Variants in PDE4C observed in about 807,000 individuals in gnomAD.
PDE4C encodes phosphodiesterase 4C.
A neutral mutation model predicts 63.9 loss-of-function variants in PDE4C; 50 were observed. That is an observed-to-expected ratio of 0.78 (90% CI 0.62 to 0.99). The LOEUF is 0.99. Among genes scored for constraint, PDE4C ranks in the 50% least tolerant of loss-of-function variants. The pLI is 0.00. For missense variants in PDE4C, 777 were observed against 899.1 expected (o/e 0.86, Z 1.74); for synonymous variants, 377 against 385.1 (o/e 0.98, Z 0.25).
intron 1 of PDE4C, among the ~76,000 whole-genome samples, chr19:18,244,810 C>CT (rs531303939): frequency 0.022 from 3,226 of 146,398 alleles, 116 homozygotes; most frequent in African/African-American, 0.075. Flanking sequence ...CAGTGACCAG[C>CT]TTTTTTTTTT....
the PDE4C span, chr19:18,255,095 C>T: frequency 5.3e-5 from 21 of 394,046 alleles, no homozygotes; most frequent in Non-Finnish European, 9.4e-5. The surrounding 1 kb of genome is among the most constrained non-coding windows in gnomAD (Gnocchi z 4.6). Context: ...CAGCCTTCCT[C>T]GGAGGGTTGG....
chr19:18,233,645 C>G (rs1207240836), exon 1 of PDE4C: 1 of 388,486 alleles, frequency 2.6e-6, no homozygotes, highest in African/African-American at 2.1e-5. Flanking sequence ...TCCCTCGCAC[C>G]GTGTTGAAAG....
chr19:18,252,133 G>A, upstream of PDE4C: 1 of 399,364 alleles, frequency 2.5e-6, no homozygotes, highest in Non-Finnish European at 4.4e-6. Flanking sequence ...TGGGAAGTGG[G>A]GCTCCAGTGC....
At chr19:18,226,339 A>G in exon 1 of PDE4C, 1 of 1,532,794 alleles carries the variant, frequency 6.5e-7, no homozygotes, top group Non-Finnish European at 8.8e-7. Flanking sequence ...CTTCCTGAAG[A>G]GCCCGGGGGA....
At chr19:18,230,306 G>A (rs1302621598), upstream of PDE4C, among the ~76,000 whole-genome samples, 1 of 152,150 alleles carries the variant, frequency 6.6e-6, no homozygotes, top group Non-Finnish European at 1.5e-5. Context: ...AAGAGTTTGA[G>A]ACCAGTCTGG....
chr19:18,241,107 C>T (rs1969027430), intron 1 of PDE4C, among the ~76,000 whole-genome samples: 1 of 151,952 alleles, frequency 6.6e-6, no homozygotes. Context: ...AGGCCTCCCT[C>T]GGGAGAGTTC....
upstream of PDE4C, among the ~76,000 whole-genome samples, chr19:18,228,705 A>C (rs977161744): frequency 6.6e-6 from 1 of 151,030 alleles, no homozygotes; most frequent in Non-Finnish European, 1.5e-5. Flanking sequence ...GTTCGGATGG[A>C]GAAAGAGTCA....
At chr19:18,210,859 GGAAA>G in exon 15 of PDE4C, 2 of 1,513,212 alleles carry the variant, frequency 1.3e-6, no homozygotes, top group Non-Finnish European at 1.8e-6. Flanking sequence ...GCCTCTTCCT[GGAAA>G]GTCTGCCTGC....
chr19:18,236,035 C>T (rs1239585280), upstream of PDE4C, among the ~76,000 whole-genome samples: 3 of 151,670 alleles, frequency 2.0e-5, no homozygotes, highest in African/African-American at 4.8e-5. Flanking sequence ...CTCTGCCTCC[C>T]GGGTTCACGC....
At chr19:18,219,035 G>C in exon 9 of PDE4C, 1 of 1,612,320 alleles carries the variant, frequency 6.2e-7, no homozygotes, top group Non-Finnish European at 8.5e-7. Context: ...GTGTCTTCTA[G>C]CTCCTAAGAT....
chr19:18,226,231 C>T, intron 1 of PDE4C, 39 bp downstream of exon 1: 1 of 1,485,682 alleles, frequency 6.7e-7, no homozygotes, highest in Non-Finnish European at 9.1e-7. Flanking sequence ...CCACACCGGG[C>T]GTCCCGGTGA....
At chr19:18,222,699 TC>T (rs1968545009) in intron 1 of PDE4C, among the ~76,000 whole-genome samples, 1 of 99,166 alleles carries the variant, frequency 1.0e-5, no homozygotes, top group Admixed American at 1.1e-4. Context: ...CCCTTTCTTT[TC>T]TTTTTTTTTT....
upstream of PDE4C, among the ~76,000 whole-genome samples, chr19:18,237,703 T>C (rs1968975742): frequency 6.6e-6 from 1 of 151,562 alleles, no homozygotes; most frequent in South Asian, 2.1e-4. Context: ...AGACCCTGTC[T>C]CGACTAAAAA....
intron 1 of PDE4C, among the ~76,000 whole-genome samples, chr19:18,246,060 GAGTGC>G (rs3075262): frequency 0.14 from 20,590 of 148,140 alleles, 2,038 homozygotes; most frequent in East Asian, 0.36. Context: ...ATCCAGGCTG[GAGTGC>G]AGTGCAGTGG....
the PDE4C span, among the ~76,000 whole-genome samples, chr19:18,253,582 A>G: frequency 6.6e-6 from 1 of 151,154 alleles, no homozygotes; most frequent in African/African-American, 2.4e-5. Flanking sequence ...ACACAATAGA[A>G]TAGAAACACA....
At chr19:18,228,231 C>T (rs887530596), upstream of PDE4C, among the ~76,000 whole-genome samples, 7 of 151,904 alleles carry the variant, frequency 4.6e-5, no homozygotes, top group African/African-American at 1.7e-4. Flanking sequence ...CAAGGAGAAA[C>T]CGAGGCACAG....
chr19:18,230,500 A>T (rs1968826070), upstream of PDE4C, among the ~76,000 whole-genome samples: 1 of 152,132 alleles, frequency 6.6e-6, no homozygotes, highest in East Asian at 1.9e-4. Context: ...GAGAGACTCC[A>T]TCTAAAAAAT....
upstream of PDE4C, among the ~76,000 whole-genome samples, chr19:18,250,717 C>T (rs1416332612): frequency 6.6e-6 from 1 of 151,838 alleles, no homozygotes; most frequent in African/African-American, 2.4e-5. Flanking sequence ...AGTGATCCTC[C>T]CACCTCAGCC....
At chr19:18,234,978 C>T (rs1429203428), upstream of PDE4C, among the ~76,000 whole-genome samples, 1 of 152,212 alleles carries the variant, frequency 6.6e-6, no homozygotes, top group Non-Finnish European at 1.5e-5. Context: ...CTGGCTGGCT[C>T]TGTCACTTCC....
Sources: allele counts gnomAD v4.1 joint callset (sites outside exome capture counted in the v4.1 genomes callset), GRCh38; gene constraint gnomAD v4.1.1; non-coding constraint Gnocchi (gnomAD v3.1); transcripts MANE v1.5; gene names NCBI Gene and HGNC (gene_info 2026-07-23, HGNC 2026-07-21).